Variants in ADGRL2 observed in about 807,000 individuals in gnomAD.
ADGRL2 encodes calcium-independent alpha-latrotoxin receptor 2.
A neutral mutation model predicts 157.4 loss-of-function variants in ADGRL2; 44 were observed. The observed-to-expected ratio is 0.28, with a 90% CI of 0.22 to 0.36. The LOEUF is 0.36. Ranked by LOEUF, ADGRL2 falls within the 10% of genes least tolerant of loss-of-function variation. The pLI is 1.00. For missense variants in ADGRL2, 1,510 were observed against 1,768.9 expected (o/e 0.85, Z 2.63); for synonymous variants, 585 against 624.7 (o/e 0.94, Z 0.95).
At chr1:81,497,357 T>C (rs1376232292) in intron 2 of ADGRL2, among the ~76,000 whole-genome samples, 1 of 152,170 alleles carries the variant, frequency 6.6e-6, no homozygotes. Flanking sequence ...GACTTCTTAA[T>C]ATGAAGACTA....
At chr1:81,677,463 C>T (rs2083020937) in intron 3 of ADGRL2, among the ~76,000 whole-genome samples, 1 of 152,158 alleles carries the variant, frequency 6.6e-6, no homozygotes, top group African/African-American at 2.4e-5. Flanking sequence ...AAAGGAATAA[C>T]TCAGTATAGC....
chr1:81,922,430 TA>T (rs1465503882), intron 3 of ADGRL2, among the ~76,000 whole-genome samples: 1 of 152,186 alleles, frequency 6.6e-6, no homozygotes, highest in Non-Finnish European at 1.5e-5. Flanking sequence ...CAGAATATCA[TA>T]TTTAAAAAAC....
rs193058596 is a variant in ADGRL2, at chr1:81,603,907, T to C, written c.-143+22927T>C. On this transcript the variant is annotated intron_variant, in intron 3 of 24. Transcript: ENST00000370721. Reference sequence around the variant, plus strand: ...AACTTTGTTTAACAAATGAATCAAATGAATGTGTTTTAACTAGTCAATCTT... The same window carrying C: ...AACTTTGTTTAACAAATGAATCAAACGAATGTGTTTTAACTAGTCAATCTT... Among the ~76,000 whole-genome samples the C allele has an allele frequency of 1.8e-4, 27 of 152,250 alleles. No homozygotes were observed. The East Asian group carries it at 5.2e-3, about 29-fold the overall frequency.
At chr1:81,785,672 G>C (rs1205106201) in intron 2 of ADGRL2, among the ~76,000 whole-genome samples, 1 of 152,046 alleles carries the variant, frequency 6.6e-6, no homozygotes, top group African/African-American at 2.4e-5. Context: ...AGAGGGCCTT[G>C]AGCTATGATC....
At chr1:81,961,998 C>G (rs951259986) in intron 11 of ADGRL2, among the ~76,000 whole-genome samples, 2 of 152,096 alleles carry the variant, frequency 1.3e-5, no homozygotes, top group African/African-American at 4.8e-5. Context: ...CCTTCTTGCT[C>G]CAATGTGTGC....
At chr1:81,378,123 G>C (rs920315744) in intron 1 of ADGRL2, among the ~76,000 whole-genome samples, 1 of 151,918 alleles carries the variant, frequency 6.6e-6, no homozygotes, top group African/African-American at 2.4e-5. Context: ...AGGTTGCAGC[G>C]AGCCGAGATC....
At chr1:81,758,025 T>A (rs1395250402) in intron 1 of ADGRL2, among the ~76,000 whole-genome samples, 1 of 152,210 alleles carries the variant, frequency 6.6e-6, no homozygotes, top group Non-Finnish European at 1.5e-5. Context: ...AAATGCACAT[T>A]ACTTTGATTC....
At chr1:81,405,596 G>C (rs1365598829) in intron 1 of ADGRL2, among the ~76,000 whole-genome samples, 2 of 142,316 alleles carry the variant, frequency 1.4e-5, no homozygotes, top group Non-Finnish European at 3.0e-5. Context: ...GCTGCAGTGA[G>C]TTGTGATTAT....
intron 1 of ADGRL2, among the ~76,000 whole-genome samples, chr1:81,356,027 C>G (rs1179114344): frequency 1.3e-5 from 2 of 152,060 alleles, no homozygotes; most frequent in Non-Finnish European, 2.9e-5. Flanking sequence ...TTCAGGATCC[C>G]CAACCAAATG....
intron 1 of ADGRL2, among the ~76,000 whole-genome samples, chr1:81,413,082 T>A (rs1264649986): frequency 2.0e-5 from 3 of 152,206 alleles, no homozygotes; most frequent in Non-Finnish European, 4.4e-5. Flanking sequence ...AAGGGGACTT[T>A]TATTCCTCTA....
At chr1:81,496,356 T>G (rs1395516689) in intron 2 of ADGRL2, among the ~76,000 whole-genome samples, 1 of 152,160 alleles carries the variant, frequency 6.6e-6, no homozygotes, top group African/African-American at 2.4e-5. Flanking sequence ...TGCAAGTCGC[T>G]CTTTTTTTCT....
intron 1 of ADGRL2, among the ~76,000 whole-genome samples, chr1:81,413,511 T>A (rs2076983540): frequency 6.6e-6 from 1 of 152,204 alleles, no homozygotes; most frequent in Non-Finnish European, 1.5e-5. Flanking sequence ...ATATAGCTTA[T>A]AAATACAATA....
chr1:81,775,461 A>G (rs1467323504), intron 2 of ADGRL2, among the ~76,000 whole-genome samples: 1 of 152,154 alleles, frequency 6.6e-6, no homozygotes, highest in Non-Finnish European at 1.5e-5. Context: ...TGCCAAAGTG[A>G]TTATTTCAAT....
chr1:81,963,188 A>C (rs531117337), intron 11 of ADGRL2, among the ~76,000 whole-genome samples: 3 of 152,060 alleles, frequency 2.0e-5, no homozygotes, highest in African/African-American at 4.8e-5. Context: ...ATTATAAATA[A>C]TATCACTTTT....
chr1:81,938,812 G>GTCTTC (rs2307802), intron 4 of ADGRL2, among the ~76,000 whole-genome samples: 117,074 of 150,732 alleles, frequency 0.78, 45,772 homozygotes, highest in East Asian at 0.94. Flanking sequence ...GTAGGACAGT[G>GTCTTC]TCTTATCTCT....
chr1:81,675,271 T>C (rs1394212857), intron 3 of ADGRL2, among the ~76,000 whole-genome samples: 2 of 152,212 alleles, frequency 1.3e-5, no homozygotes, highest in East Asian at 1.9e-4. Context: ...TTTAGAAATA[T>C]TTTAATTTGA....
chr1:81,916,636 A>G (rs1465247310), intron 3 of ADGRL2, among the ~76,000 whole-genome samples: 3 of 152,124 alleles, frequency 2.0e-5, no homozygotes, highest in Non-Finnish European at 4.4e-5. Flanking sequence ...AAAATTTCCT[A>G]TGGCATTTTT....
intron 3 of ADGRL2, among the ~76,000 whole-genome samples, chr1:81,600,966 G>T (rs2081322333): frequency 6.6e-6 from 1 of 152,162 alleles, no homozygotes; most frequent in East Asian, 1.9e-4. Flanking sequence ...GTACAGTAAT[G>T]AAAAGGAACA....
At chr1:81,407,283 T>G (rs1210750522) in intron 1 of ADGRL2, among the ~76,000 whole-genome samples, 1 of 152,210 alleles carries the variant, frequency 6.6e-6, no homozygotes, top group African/African-American at 2.4e-5. Context: ...GCCTCCTGGA[T>G]CCGGAGGTCA....
Sources: allele counts gnomAD v4.1 joint callset (sites outside exome capture counted in the v4.1 genomes callset), GRCh38; gene constraint gnomAD v4.1.1; transcripts MANE v1.5; gene names NCBI Gene and HGNC (gene_info 2026-07-23, HGNC 2026-07-21).